A1BG: variants seen among roughly 807,000 people sequenced by gnomAD.
A1BG encodes the protein alpha-1-B glycoprotein.
Under a neutral mutation model 46.0 loss-of-function variants are expected in A1BG, and 44 were observed. That is an observed-to-expected ratio of 0.96 (90% CI 0.75 to 1.23). The LOEUF (loss-of-function observed/expected upper bound fraction) is 1.23. Ranked by LOEUF, A1BG falls within the 50% of genes most tolerant of loss-of-function variation. The pLI, the probability that A1BG is intolerant of heterozygous loss-of-function variation, is 0.00. For synonymous variants in A1BG, 316 were observed against 314.7 expected (o/e 1.00, Z -0.04); for missense variants, 707 against 688.8 (o/e 1.03, Z -0.30).
chr19:58,351,986 G>A (rs2051963893), intron 4 of A1BG: 1 of 960,150 alleles, frequency 1.0e-6, no homozygotes. Context: ...AGTAGAGACG[G>A]GGTTTCGTCA....
At chr19:58,351,351 G>GTGTA in intron 5 of A1BG, 40 bp downstream of exon 5, 1 of 1,596,516 alleles carries the variant, frequency 6.3e-7, no homozygotes, top group Non-Finnish European at 8.5e-7. Flanking sequence ...TGCTCCCCAG[G>GTGTA]GACCCAGCCG....
intron 6 of A1BG, 122 bp downstream of exon 6, chr19:58,350,248 G>A: frequency 1.6e-6 from 2 of 1,263,788 alleles, no homozygotes; most frequent in South Asian, 1.6e-5. Flanking sequence ...CGGGGTAGGC[G>A]ATGGGGGCTG....
In A1BG at chr19:58,353,063, G is replaced by C. The variant is rs775853305; in HGVS notation, c.205C>G (p.Pro69Ala). ...ATGGCAGGTGAGTCAAGGTGCACAG[G>C]CTCCTGGGCCACCCCATTCTTGAAC... ...QLFKNGVAQE[P>A]VHLDSPAIKH... Residue 69 changes from proline (P) to alanine (A), a missense_variant, in exon 3 of 8, where the codon CCT (proline) becomes GCT (alanine). Coordinates refer to ENST00000263100, the MANE Select transcript of A1BG (RefSeq NM_130786.4). 1 of 1,614,102 alleles carries C rather than the reference G, an allele frequency of 6.2e-7. No homozygotes were observed. Among genetic ancestry groups the C allele is most frequent in the Non-Finnish European group, 8.5e-7 (1 of 1,180,004 alleles).
At position 58,350,671 on chromosome 19, in the gene A1BG, C is replaced by G. The variant is rs776253898; in HGVS notation, c.911-20G>C. The G allele has an allele frequency of 2.6e-5, 35 of 1,347,066 alleles. No individual in the cohort carries two copies. In the South Asian group the frequency reaches 5.9e-4, roughly 23 times the overall value. 83.4% of individuals were successfully genotyped at this position (1,347,066 alleles called of 1,614,324 possible). Reference sequence around the variant, plus strand: ...GCGTCTCTGCGGAGCAGCACACGGGCTGACCCGGGCGCCCAGCGGCTGGCT... The same window carrying G: ...GCGTCTCTGCGGAGCAGCACACGGGGTGACCCGGGCGCCCAGCGGCTGGCT... On this transcript the variant is annotated intron_variant, in intron 5 of 7. Transcript: ENST00000263100.
intron 7 of A1BG, 115 bp from the exon 8 acceptor site, chr19:58,347,144 C>A: frequency 7.0e-7 from 1 of 1,436,718 alleles, no homozygotes; most frequent in Non-Finnish European, 9.6e-7. Context: ...GCGTGGTCGG[C>A]TGCCAGCCGA....
rs371190941 is a variant in A1BG at position 58,346,770 on chromosome 19, C to T, written c.*252G>A. On this transcript the variant is annotated 3_prime_UTR_variant, in exon 8 of 8. Coordinates refer to ENST00000263100, the MANE Select transcript of A1BG (RefSeq NM_130786.4). ...TGCTCTTAAGAGCCAGTTCTCCACT[C>T]CTCTACCTCAGGAGCCACCCCAGAA... 10 of 606,886 alleles carry T rather than the reference C, an allele frequency of 1.6e-5. No individual in the cohort carries two copies. The highest frequency in any genetic ancestry group is 5.6e-5 in the African/African-American group (3 of 53,666). The allele number at this position is 606,886 out of a possible 1,614,324, so 37.6% of individuals were successfully genotyped here.
rs1312665342 is a variant in A1BG at position 58,347,688 on chromosome 19, GCCCCAGGCCACAC to G, written c.1193-61_1193-49del. On this transcript the variant is annotated intron_variant, in intron 6 of 7. Coordinates refer to ENST00000263100, the MANE Select transcript of A1BG (RefSeq NM_130786.4). Reference sequence around the variant, plus strand: ...CGGGCCAGGCCACGCCCCAGGCCACGCCCCAGGCCACACCCCAGGCCACACCCCAGGCCGCGCC... The same window carrying G: ...CGGGCCAGGCCACGCCCCAGGCCACGCCCAGGCCACACCCCAGGCCGCGCC... The G allele has an allele frequency of 1.4e-4, 145 of 1,025,946 alleles. No individual in the cohort carries two copies. The East Asian group carries it at 2.1e-3, about 15-fold the overall frequency. The allele number at this position is 1,025,946 out of a possible 1,614,324, so 63.6% of individuals were successfully genotyped here.
Position 58,351,428 on chromosome 19 carries a change from G to A in A1BG, c.873C>T (p.Ser291=), listed in dbSNP as rs758495858. Residue 291 remains serine (S), a synonymous_variant, in exon 5 of 8, where the codon TCC becomes TCT. Transcript: ENST00000263100. ...TCAGCTCGACCGGCGCGCTGTCCCC[G>A]GACCAGCCGTTTTGGTTGTCATGCA... ...YRLHDNQNGW[S]GDSAPVELIL... is the part of the protein sequence containing the mutation. The A allele has an allele frequency of 9.9e-6, 16 of 1,613,040 alleles. No homozygotes were observed. Among genetic ancestry groups the A allele is most frequent in the South Asian group, 4.4e-5 (4 of 91,078 alleles).
chr19:58,351,187 C>T, intron 5 of A1BG: 1 of 681,918 alleles, frequency 1.5e-6, no homozygotes, highest in Non-Finnish European at 2.5e-6. Flanking sequence ...CAGACCTGTT[C>T]ACCCAGTTAT....
chr19:58,351,792 A>ATTATT, intron 4 of A1BG, 105 bp from the exon 5 acceptor site: 1 of 968,380 alleles, frequency 1.0e-6, no homozygotes, highest in Non-Finnish European at 1.4e-6. Context: ...ACACCCTTCC[A>ATTATT]TTCTTTTTTT....
Position 58,353,025 on chromosome 19 carries a change from G to A in A1BG, c.243C>T (p.Phe81=), listed in dbSNP as rs1166720222. The change falls in exon 3 of 8, where the codon TTC becomes TTT. Residue 81 remains phenylalanine (F), a synonymous_variant. Transcript: ENST00000263100. ...HLDSPAIKHQ[F]LLTGDTQGRY... Reference sequence around the variant, plus strand: ...GGCCCTGGGTGTCACCCGTCAGCAGGAACTGGTGCTTGATGGCAGGTGAGT... The same window carrying A: ...GGCCCTGGGTGTCACCCGTCAGCAGAAACTGGTGCTTGATGGCAGGTGAGT... The A allele has an allele frequency of 6.2e-7, 1 of 1,614,138 alleles. No individual in the cohort carries two copies. The highest frequency in any genetic ancestry group is 1.7e-5 in the Admixed American group (1 of 60,022).
rs765917918 is a variant in A1BG, at chr19:58,347,597, C to T, written c.1236G>A (p.Ala412=). 7.3e-6 allele frequency: 11 copies of T among 1,500,538 alleles called. 1 individual carries two copies. The South Asian group carries it at 1.4e-4, about 19-fold the overall frequency. 93.0% of individuals were successfully genotyped at this position (1,500,538 alleles called of 1,614,324 possible). The change falls in exon 7 of 8, where the codon GCG becomes GCA. Residue 412 remains alanine, a synonymous_variant. Coordinates refer to ENST00000263100, the MANE Select transcript of A1BG (RefSeq NM_130786.4). ...GGACGGCATCTCGGCCCGCCAGGACCGCCCCACTCCACGTCGCCCGGAGCT... is the reference window on the plus strand; with the variant it reads ...GGACGGCATCTCGGCCCGCCAGGACTGCCCCACTCCACGTCGCCCGGAGCT... ...RPQLRATWSG[A]VLAGRDAVLR...
chr19:58,352,777 T>A, intron 3 of A1BG, 151 bp downstream of exon 3: 1 of 1,259,632 alleles, frequency 7.9e-7, no homozygotes, highest in Non-Finnish European at 1.1e-6. Context: ...CACAACCATG[T>A]ATTCCTTACA....
Position 58,347,518 on chromosome 19 carries a change from C to A in A1BG, c.1315G>T (p.Glu439Ter). ...CGGACCGTCTTCACGGCCTTCGTCT[C>A]GCCCTCGCGCAGCAGCTCGAAGGTG... ...DVTFELLREG[E>*]TKAVKTVRTP... is the part of the protein sequence containing the mutation. The change falls in exon 7 of 8, where the codon GAG (glutamate) becomes TAG (stop). Residue 439 changes from glutamate to a stop codon, truncating the protein, a stop_gained. Transcript: ENST00000263100. LOFTEE classifies it high-confidence loss of function. 1 of 1,581,768 alleles carries A rather than the reference C, an allele frequency of 6.3e-7. No homozygotes were observed. Among genetic ancestry groups the A allele is most frequent in the Non-Finnish European group, 8.6e-7 (1 of 1,163,734 alleles).
chr19:58,347,743 C>G (rs2051926759), intron 6 of A1BG, 103 bp from the exon 7 acceptor site: 1 of 697,530 alleles, frequency 1.4e-6, no homozygotes, highest in Admixed American at 4.5e-5. Context: ...TGCGCCTCAG[C>G]CCCGGCTTCA....
intron 7 of A1BG, 32 bp downstream of exon 7, chr19:58,347,321 G>A (rs767646234): frequency 1.2e-6 from 2 of 1,608,012 alleles, no homozygotes. Context: ...TCAGCAGACG[G>A]AACCAGCACC....
intron 5 of A1BG, 129 bp from the exon 6 acceptor site, chr19:58,350,780 G>A (rs975274866): frequency 1.5e-5 from 15 of 1,004,068 alleles, no homozygotes; most frequent in African/African-American, 1.7e-5. Flanking sequence ...TTCCTCCCTC[G>A]CCTCCTCCGG....
chr19:58,352,403 G>C lies in A1BG; in HGVS notation c.493C>G (p.Gln165Glu). The change falls in exon 4 of 8, where the codon CAG becomes GAG. Residue 165 changes from glutamine to glutamate, a missense_variant. Gln to Glu is a conservative substitution (Grantham distance 29, BLOSUM62 2). Coordinates refer to ENST00000263100, the MANE Select transcript of A1BG (RefSeq NM_130786.4). ...GGAAAGGTGGCCTCCACATCCTCCT[G>C]GGCCTCAGGCACCTCCAGAAACTCA... ...DHEFLEVPEA[Q>E]EDVEATFPVH... 2.5e-6 allele frequency: 4 copies of C among 1,613,894 alleles called. No individual in the cohort carries two copies. The highest frequency in any genetic ancestry group is 3.4e-6 in the Non-Finnish European group (4 of 1,180,012).
chr19:58,350,641 G>A lies in A1BG; in HGVS notation c.921C>T (p.Pro307=), dbSNP rs1259600250. The change falls in exon 6 of 8, where the codon CCC becomes CCT. Residue 307 remains proline, a synonymous_variant. Transcript: ENST00000263100. ...CCGGCTCCGGGGAGAACTCCGGCGC[G>A]GGCAGCGTCTCTGCGGAGCAGCACA... The part of the protein sequence containing the change: ...VELILSDETL[P]APEFSPEPES... 6.4e-6 allele frequency: 9 copies of A among 1,411,586 alleles called. No individual in the cohort carries two copies. The highest frequency in any genetic ancestry group is 8.3e-6 in the Non-Finnish European group (9 of 1,087,738). 87.4% of individuals were successfully genotyped at this position (1,411,586 alleles called of 1,614,324 possible). A position where few individuals can be genotyped will look rare whatever the true frequency, so the allele number is the denominator to read the frequency against.
Sources: allele counts gnomAD v4.1 joint callset, GRCh38; gene constraint gnomAD v4.1.1; transcripts MANE v1.5; gene names NCBI Gene and HGNC (gene_info 2026-07-23, HGNC 2026-07-21).